The following EDARADD variants were observed in gnomAD, a reference collection of about 807,000 sequenced individuals.
EDARADD encodes ectodysplasin-A receptor-associated adapter protein.
Under a neutral mutation model 25.6 loss-of-function variants are expected in EDARADD, and 20 were observed. The ratio of observed to expected loss-of-function variants is 0.78; its 90% CI spans 0.55 to 1.14. The LOEUF (loss-of-function observed/expected upper bound fraction) is 1.14, where lower values mean the gene tolerates loss of function less well. Among genes scored for constraint, EDARADD ranks in the 50% most tolerant of loss-of-function variants. The pLI is 0.00. For synonymous variants in EDARADD, 86 were observed against 94.4 expected, an observed-to-expected ratio of 0.91 and a Z score of 0.52; for missense variants, 225 against 270.1, an observed-to-expected ratio of 0.83 and a Z score of 1.17.
upstream of EDARADD, among the ~76,000 whole-genome samples, chr1:236,390,256 A>G (rs917677423): frequency 1.3e-5 from 2 of 152,064 alleles, no homozygotes; most frequent in African/African-American, 4.8e-5. Flanking sequence ...ACAAACCACC[A>G]CTAAAGAACT....
At chr1:236,399,224 C>T (rs1443132457) in intron 1 of EDARADD, among the ~76,000 whole-genome samples, 2 of 152,080 alleles carry the variant, frequency 1.3e-5, no homozygotes, top group Admixed American at 6.5e-5. Context: ...CTCTGTTGCC[C>T]AGGCTGGAGT....
chr1:236,437,561 T>G (rs1414813339), intron 4 of EDARADD, among the ~76,000 whole-genome samples: 1 of 152,080 alleles, frequency 6.6e-6, no homozygotes, highest in Non-Finnish European at 1.5e-5. Flanking sequence ...CCCAAGGGCC[T>G]GGATTTGGGT....
chr1:236,479,123 C>T (rs1571960865), intron 5 of EDARADD, among the ~76,000 whole-genome samples: 1 of 151,946 alleles, frequency 6.6e-6, no homozygotes, highest in Non-Finnish European at 1.5e-5. Flanking sequence ...AATGAACTTA[C>T]TCATGTAACC....
chr1:236,409,585 G>A (rs778733078), intron 2 of EDARADD, among the ~76,000 whole-genome samples: 33 of 151,154 alleles, frequency 2.2e-4, no homozygotes, highest in Non-Finnish European at 3.8e-4. Context: ...TTTTTTAGAC[G>A]GAGTCTTGCT....
At chr1:236,377,717 G>A (rs1253117825) in intron 3 of EDARADD, among the ~76,000 whole-genome samples, 2 of 151,620 alleles carry the variant, frequency 1.3e-5, no homozygotes, top group Non-Finnish European at 2.9e-5. Flanking sequence ...AATTAGCTGG[G>A]CATGGTGGCG....
intron 1 of EDARADD, among the ~76,000 whole-genome samples, chr1:236,403,768 C>T (rs532368161): frequency 1.7e-4 from 26 of 152,298 alleles, no homozygotes; most frequent in Middle Eastern, 3.4e-3. Context: ...GGGTGCAGCC[C>T]GCCCTGCCTG....
intron 4 of EDARADD, among the ~76,000 whole-genome samples, chr1:236,440,697 A>G (rs908335801): frequency 6.6e-6 from 1 of 151,858 alleles, no homozygotes; most frequent in East Asian, 1.9e-4. Context: ...TAATTCTCAC[A>G]ATATTTTGGT....
At chr1:236,375,222 A>G (rs1667212834) in intron 3 of EDARADD, among the ~76,000 whole-genome samples, 1 of 152,086 alleles carries the variant, frequency 6.6e-6, no homozygotes, top group African/African-American at 2.4e-5. Context: ...CTTCCCTCCT[A>G]TTTCTTAAAT....
chr1:236,395,448 A>T lies in EDARADD; in HGVS notation c.61+943A>T. 2.7e-6 allele frequency: 4 copies of T among 1,477,408 alleles called. No individual in the cohort carries two copies. In the African/African-American group the frequency reaches 4.3e-5, roughly 16 times the overall value. The allele number at this position is 1,477,408 out of a possible 1,614,324, so 91.5% of individuals were successfully genotyped here. ...AAAGCAGGAAGTGAGCTCGTGGAAG[A>T]AGCGAAGGAGGAGAAGAAGAAGGGA... On this transcript the variant is annotated intron_variant, in intron 1 of 5. Transcript: ENST00000334232. The surrounding 1 kb of genome is among the most constrained non-coding windows in gnomAD (Gnocchi z 6.9).
At chr1:236,385,340 T>C (rs1251005781) in intron 3 of EDARADD, among the ~76,000 whole-genome samples, 3 of 125,770 alleles carry the variant, frequency 2.4e-5, no homozygotes, top group Admixed American at 9.6e-5. Flanking sequence ...AGCCGGGAGG[T>C]GGAGCTTGCA....
intron 2 of EDARADD, among the ~76,000 whole-genome samples, chr1:236,411,716 T>C (rs1395227489): frequency 6.6e-6 from 1 of 152,012 alleles, no homozygotes; most frequent in African/African-American, 2.4e-5. Context: ...GCCTGGCTAA[T>C]TTTTTTGTAT....
intron 4 of EDARADD, among the ~76,000 whole-genome samples, chr1:236,428,702 G>C (rs1290256221): frequency 7.4e-6 from 1 of 134,940 alleles, no homozygotes; most frequent in Non-Finnish European, 1.7e-5. Flanking sequence ...TGGGCTGCCG[G>C]GCAGAGACGC....
At chr1:236,393,000 G>A (rs1032586766), upstream of EDARADD, among the ~76,000 whole-genome samples, 1 of 152,070 alleles carries the variant, frequency 6.6e-6, no homozygotes, top group African/African-American at 2.4e-5. Context: ...GCATAGGCTG[G>A]TCTTGAACTC....
At chr1:236,449,724 C>T (rs991352017) in intron 4 of EDARADD, among the ~76,000 whole-genome samples, 4 of 152,186 alleles carry the variant, frequency 2.6e-5, no homozygotes, top group African/African-American at 7.2e-5. Context: ...GATAGGTACT[C>T]GTTATTTGTT....
At chr1:236,464,425 T>TG (rs202120489) in intron 4 of EDARADD, among the ~76,000 whole-genome samples, 804 of 54,312 alleles carry the variant, frequency 0.015, 36 homozygotes, top group African/African-American at 0.051. Context: ...TGCTGCAACT[T>TG]TTTTTTTTTT....
In EDARADD at chr1:236,466,459, ACT is replaced by A. The variant is rs60112170; in HGVS notation, c.220-1770_220-1769del. 2.0e-3 allele frequency among the ~76,000 whole-genome samples: 307 copies of A among 151,364 alleles called. 1 individual carries two copies. The highest frequency in any genetic ancestry group is 6.6e-3 in the Admixed American group (101 of 15,200). The stretch of plus-strand genomic sequence containing the variant: ...CTGATAAACACACACACACACACAC[ACT>A]CACACTCACACACTCCTGAGTAAGG... On this transcript the variant is annotated intron_variant, in intron 4 of 5. Coordinates refer to ENST00000334232, the MANE Select transcript of EDARADD (RefSeq NM_145861.4).
In EDARADD at chr1:236,484,634, A is replaced by G. The variant is rs774501424; in HGVS notation, c.*1985A>G. 18 of 548,204 alleles carry G rather than the reference A, an allele frequency of 3.3e-5. No homozygotes were observed. The highest frequency in any genetic ancestry group is 5.6e-5 in the Non-Finnish European group (17 of 303,220). The allele number at this position is 548,204 out of a possible 1,614,324, so 34.0% of individuals were successfully genotyped here. ...TTCGCACCTCTTCCTTAGAACTTCT[A>G]CAGAAGCAGGTTGCAGTGAGCCGAG... On this transcript the variant is annotated 3_prime_UTR_variant, in exon 6 of 6. Coordinates refer to ENST00000334232, the MANE Select transcript of EDARADD (RefSeq NM_145861.4). This position sits in a 1 kb window ranked among gnomAD's most constrained non-coding sequence, Gnocchi z 4.1.
At chr1:236,413,575 G>A (rs1352401175) in intron 2 of EDARADD, among the ~76,000 whole-genome samples, 1 of 152,142 alleles carries the variant, frequency 6.6e-6, no homozygotes. Context: ...TTCCTCTCAT[G>A]GACGTTTTCA....
intron 4 of EDARADD, among the ~76,000 whole-genome samples, chr1:236,461,901 T>A (rs10925134): frequency 0.61 from 92,434 of 151,652 alleles, 31,248 homozygotes; most frequent in Non-Finnish European, 0.75. Context: ...TGTTTCACAT[T>A]AAACTAGCCC....
Sources: gnomAD v4.1 joint callset for allele counts (sites outside exome capture counted in the v4.1 genomes callset) on GRCh38, gnomAD v4.1.1 for gene constraint, Gnocchi (gnomAD v3.1) non-coding constraint, MANE v1.5 for transcripts, NCBI Gene and HGNC (gene_info 2026-07-23, HGNC 2026-07-21) for gene names.